The following TACC1 variants were observed in gnomAD, a reference collection of about 807,000 sequenced individuals.
The protein encoded by TACC1 is transforming acidic coiled-coil-containing protein 1.
TACC1 carries 48 observed loss-of-function variants against 84.4 expected under a neutral mutation model. That is an observed-to-expected ratio of 0.57 (90% CI 0.45 to 0.72). The LOEUF (loss-of-function observed/expected upper bound fraction) is 0.72. TACC1 is among the 30% of genes least tolerant of loss of function. The pLI, the probability that TACC1 is intolerant of heterozygous loss-of-function variation, is 0.00. For missense variants in TACC1, 920 were observed against 973.0 expected, an observed-to-expected ratio of 0.95 and a Z score of 0.72; for synonymous variants, 372 against 376.3, an observed-to-expected ratio of 0.99 and a Z score of 0.13.
chr8:38,837,405 A>G (rs1237494402), intron 7 of TACC1, among the ~76,000 whole-genome samples: 7 of 152,090 alleles, frequency 4.6e-5, no homozygotes, highest in Non-Finnish European at 1.0e-4. Context: ...CCTGGGCAAC[A>G]AGAGCGAAAC....
Position 38,850,798 on chromosome 8 carries a change from A to C in TACC1, c.*2775A>C, listed in dbSNP as rs1450723419. On this transcript the variant is annotated 3_prime_UTR_variant, in exon 13 of 13. Coordinates refer to ENST00000317827, the MANE Select transcript of TACC1 (RefSeq NM_006283.3). ...CTCAAAAAAAAAAAAAAAAAAAAAA[A>C]AACCAGGAGTGAAAAAGGAAAGTAG... The C allele has an allele frequency of 1.3e-5, 2 of 151,454 alleles. No homozygotes were observed. The highest frequency in any genetic ancestry group is 2.5e-5 in the African/African-American group (1 of 40,748). 9.4% of individuals were successfully genotyped at this position (151,454 alleles called of 1,614,324 possible).
intron 3 of TACC1, among the ~76,000 whole-genome samples, chr8:38,821,815 T>G (rs933652369): frequency 5.3e-5 from 8 of 152,172 alleles, no homozygotes; most frequent in African/African-American, 9.7e-5. Context: ...TTTTGTTGTG[T>G]GAACATCGTC....
chr8:38,794,303 AT>A (rs1819453965), intron 2 of TACC1, among the ~76,000 whole-genome samples: 1 of 152,070 alleles, frequency 6.6e-6, no homozygotes, highest in South Asian at 2.1e-4. Flanking sequence ...ATTTTCTTAA[AT>A]TTTTTTTAAA....
At chr8:38,806,501 A>G (rs1202637675) in intron 2 of TACC1, among the ~76,000 whole-genome samples, 7 of 151,688 alleles carry the variant, frequency 4.6e-5, no homozygotes, top group Middle Eastern at 6.8e-3. Context: ...AGAGAGAGGG[A>G]GAGAGAGAGA....
chr8:38,753,918 T>TTTCC (rs892982543), intron 3 of TACC1, among the ~76,000 whole-genome samples: 1 of 141,022 alleles, frequency 7.1e-6, no homozygotes, highest in African/African-American at 2.6e-5. Context: ...TCTTTCTTTC[T>TTTCC]TTCTTTCTTT....
At chr8:38,800,215 C>T (rs548046115) in intron 2 of TACC1, among the ~76,000 whole-genome samples, 8 of 152,324 alleles carry the variant, frequency 5.3e-5, no homozygotes, top group Admixed American at 2.6e-4. Context: ...CCATTTCCCT[C>T]GGGTCTGAGC....
intron 2 of TACC1, among the ~76,000 whole-genome samples, chr8:38,816,558 A>G (rs985940732): frequency 6.6e-6 from 1 of 152,076 alleles, no homozygotes; most frequent in East Asian, 1.9e-4. Flanking sequence ...GATTCTCATA[A>G]CTCCTCTTCT....
intron 11 of TACC1, 171 bp from the exon 12 acceptor site, chr8:38,846,528 A>G: frequency 1.5e-6 from 1 of 655,578 alleles, no homozygotes; most frequent in Non-Finnish European, 2.4e-6. Flanking sequence ...GAATTTTTAT[A>G]AATTAAAATG....
rs3076913 is a variant in TACC1, at chr8:38,743,292, TTGAATGAA to T, written c.-574+867_-574+874del. ...AAGGTAGGCATTCAGTATATATTTG[TTGAATGAA>T]TGAATGAATGAATGAATGAATGAAT... On this transcript the variant is annotated intron_variant, in intron 2 of 14. Transcript: ENST00000518415. 4.4e-4 allele frequency among the ~76,000 whole-genome samples: 66 copies of T among 151,044 alleles called. No homozygotes were observed. In the East Asian group the frequency reaches 8.5e-3, roughly 20 times the overall value.
At chr8:38,807,697 A>G (rs988705005) in intron 2 of TACC1, among the ~76,000 whole-genome samples, 3 of 152,232 alleles carry the variant, frequency 2.0e-5, no homozygotes, top group African/African-American at 7.2e-5. Flanking sequence ...GAAGTTTCAA[A>G]AATATTTTGT....
chr8:38,757,635 C>A (rs567418540), intron 3 of TACC1, among the ~76,000 whole-genome samples: 1 of 152,020 alleles, frequency 6.6e-6, no homozygotes, highest in Non-Finnish European at 1.5e-5. Flanking sequence ...GGATCGCGTC[C>A]GGGCGTGACC....
intron 12 of TACC1, 136 bp from the exon 13 acceptor site, chr8:38,847,819 C>A: frequency 1.6e-6 from 1 of 622,742 alleles, no homozygotes; most frequent in Non-Finnish European, 2.7e-6. Context: ...TAAAGCATCT[C>A]TGATGTAGAA....
intron 7 of TACC1, among the ~76,000 whole-genome samples, chr8:38,836,783 A>G (rs1399279495): frequency 6.6e-6 from 1 of 152,180 alleles, no homozygotes; most frequent in Non-Finnish European, 1.5e-5. Flanking sequence ...TTATCTGAAA[A>G]ATACGAAAGA....
At chr8:38,843,201 C>G in intron 10 of TACC1, 88 bp from the exon 11 acceptor site, 2 of 870,222 alleles carry the variant, frequency 2.3e-6, no homozygotes, top group Non-Finnish European at 3.5e-6. Flanking sequence ...TTAGATTTTT[C>G]CATTCTTTAA....
chr8:38,843,194 G>A (rs1280739658), intron 10 of TACC1, 95 bp from the exon 11 acceptor site: 1 of 817,790 alleles, frequency 1.2e-6, no homozygotes, highest in Admixed American at 2.7e-5. Context: ...GAATTAATTA[G>A]ATTTTTCCAT....
chr8:38,806,992 A>T (rs575129722), intron 2 of TACC1, among the ~76,000 whole-genome samples: 8 of 152,364 alleles, frequency 5.3e-5, no homozygotes, highest in African/African-American at 1.9e-4. Flanking sequence ...TCATTAGAAT[A>T]ACTCCGAGAA....
chr8:38,767,398 T>A (rs569276841), intron 3 of TACC1, among the ~76,000 whole-genome samples: 1 of 152,306 alleles, frequency 6.6e-6, no homozygotes, highest in East Asian at 1.9e-4. Context: ...GGACCACAGG[T>A]CAAGTCCTTA....
intron 3 of TACC1, among the ~76,000 whole-genome samples, chr8:38,749,966 A>G (rs978382305): frequency 6.6e-6 from 1 of 152,210 alleles, no homozygotes; most frequent in Non-Finnish European, 1.5e-5. Flanking sequence ...AAAAACACAG[A>G]CACAGTGGTG....
intron 3 of TACC1, chr8:38,757,515 C>T: frequency 1.0e-5 from 11 of 1,086,918 alleles, no homozygotes; most frequent in Non-Finnish European, 1.0e-5. Flanking sequence ...GGTGGGGTTC[C>T]CGCTGGCGGC....
Sources: allele counts gnomAD v4.1 joint callset (sites outside exome capture counted in the v4.1 genomes callset), GRCh38; gene constraint gnomAD v4.1.1; transcripts MANE v1.5; gene names NCBI Gene and HGNC (gene_info 2026-07-23, HGNC 2026-07-21).